The following NMNAT2 variants were observed in gnomAD, a reference collection of about 807,000 sequenced individuals.
NMNAT2 encodes nicotinamide nucleotide adenylyltransferase 2, also known as nicotinamide/nicotinic acid mononucleotide adenylyltransferase 2.
Under a neutral mutation model 41.6 loss-of-function variants are expected in NMNAT2, and 11 were observed. That is an observed-to-expected ratio of 0.26 (90% CI 0.17 to 0.44). The LOEUF is 0.44. Among genes scored for constraint, NMNAT2 ranks in the 20% least tolerant of loss-of-function variants. The pLI is 1.00. For synonymous variants in NMNAT2, 148 were observed against 151.2 expected (o/e 0.98, Z 0.16); for missense variants, 288 against 407.7 (o/e 0.71, Z 2.53).
Position 183,292,878 on chromosome 1 carries a change from C to T in NMNAT2, c.175-21G>A, listed in dbSNP as rs755893344. The stretch of plus-strand genomic sequence containing the variant: ...AGGCCCTGGGAAGCAACAGAGCAAT[C>T]ATTGGGAGACTCCCTCCGTTCCCCA... On this transcript the variant is annotated intron_variant, in intron 2 of 10. Coordinates refer to ENST00000287713, the MANE Select transcript of NMNAT2 (RefSeq NM_015039.4). 6 of 1,612,414 alleles carry T rather than the reference C, an allele frequency of 3.7e-6. No individual in the cohort carries two copies. The Admixed American group carries it at 5.0e-5, about 13-fold the overall frequency.
intron 1 of NMNAT2, among the ~76,000 whole-genome samples, chr1:183,304,130 G>A (rs1341674209): frequency 4.6e-5 from 7 of 152,044 alleles, no homozygotes. Context: ...TATGTGACTT[G>A]TGTCTTGTGT....
At chr1:183,258,974 G>A (rs976330766) in intron 10 of NMNAT2, among the ~76,000 whole-genome samples, 4 of 152,132 alleles carry the variant, frequency 2.6e-5, no homozygotes, top group Non-Finnish European at 5.9e-5. Flanking sequence ...CCGCACAGCC[G>A]GCTCTGCGTG....
intron 1 of NMNAT2, among the ~76,000 whole-genome samples, chr1:183,338,605 C>T (rs1013943141): frequency 3.9e-5 from 6 of 152,106 alleles, no homozygotes; most frequent in South Asian, 2.1e-4. Flanking sequence ...TACATTAATG[C>T]GTATTATTAC....
intron 1 of NMNAT2, among the ~76,000 whole-genome samples, chr1:183,366,319 A>T (rs911243114): frequency 6.6e-6 from 1 of 152,238 alleles, no homozygotes; most frequent in Non-Finnish European, 1.5e-5. Flanking sequence ...GGATAATAAT[A>T]GTATCTACTT....
intron 1 of NMNAT2, among the ~76,000 whole-genome samples, chr1:183,415,945 G>GAT (rs1413261402): frequency 4.6e-5 from 7 of 152,202 alleles, no homozygotes; most frequent in African/African-American, 1.7e-4. Context: ...ATTACTCTCT[G>GAT]AATTATACTT....
chr1:183,290,536 G>T, intron 3 of NMNAT2: 1 of 254,514 alleles, frequency 3.9e-6, no homozygotes, highest in Non-Finnish European at 7.5e-6. Flanking sequence ...CTGTAAAATG[G>T]GAATAACAAT....
chr1:183,273,953 C>A (rs1050669271), intron 8 of NMNAT2, among the ~76,000 whole-genome samples: 3 of 150,094 alleles, frequency 2.0e-5, no homozygotes, highest in Non-Finnish European at 4.4e-5. Flanking sequence ...AGTCTTGTCA[C>A]TCAGGCTAGA....
rs574318623 is a variant in NMNAT2, at chr1:183,284,903, G to A, written c.449-113C>T. The A allele has an allele frequency of 4.3e-5, 35 of 808,910 alleles. No homozygotes were observed. In the East Asian group the frequency reaches 4.8e-4, roughly 11 times the overall value. The allele number at this position is 808,910 out of a possible 1,614,324, so 50.1% of individuals were successfully genotyped here. Reference sequence around the variant, plus strand: ...GTAAACATCAGGGTGCATGGACGGGGCAGGAGTGGGGAGCAGGAGGTAGCA... The same window carrying A: ...GTAAACATCAGGGTGCATGGACGGGACAGGAGTGGGGAGCAGGAGGTAGCA... On this transcript the variant is annotated intron_variant, in intron 5 of 10. Coordinates refer to ENST00000287713, the MANE Select transcript of NMNAT2 (RefSeq NM_015039.4).
At chr1:183,286,592 G>A (rs1661403815) in intron 5 of NMNAT2, 70 bp downstream of exon 5, 1 of 1,380,848 alleles carries the variant, frequency 7.2e-7, no homozygotes, top group African/African-American at 1.4e-5. Flanking sequence ...GTGGATCCCA[G>A]TAGTCATTAA....
intron 1 of NMNAT2, among the ~76,000 whole-genome samples, chr1:183,321,624 C>T (rs751060527): frequency 2.6e-4 from 39 of 151,986 alleles, no homozygotes; most frequent in Non-Finnish European, 5.0e-4. Context: ...TACCTGTAAT[C>T]CCAGCTGCTC....
At chr1:183,273,370 A>G (rs149374998) in intron 8 of NMNAT2, among the ~76,000 whole-genome samples, 74 of 152,362 alleles carry the variant, frequency 4.9e-4, no homozygotes, top group African/African-American at 1.8e-3. Context: ...TGTGGTCAAC[A>G]AGTATCACTC....
At chr1:183,300,419 A>G (rs1460287753) in intron 1 of NMNAT2, among the ~76,000 whole-genome samples, 5 of 149,402 alleles carry the variant, frequency 3.3e-5, no homozygotes, top group Middle Eastern at 3.4e-3. Flanking sequence ...AAAAAAAAGA[A>G]AAAAAAAAAA....
At chr1:183,334,290 C>T (rs1036355073) in intron 1 of NMNAT2, among the ~76,000 whole-genome samples, 11 of 152,126 alleles carry the variant, frequency 7.2e-5, no homozygotes, top group Admixed American at 4.6e-4. Context: ...TGGTCTCAGA[C>T]TCCTGACCTC....
At chr1:183,406,120 C>T (rs181888825) in intron 1 of NMNAT2, among the ~76,000 whole-genome samples, 7 of 152,280 alleles carry the variant, frequency 4.6e-5, no homozygotes, top group Admixed American at 3.3e-4. Flanking sequence ...GGATTACTTG[C>T]TATGCTAAGT....
intron 1 of NMNAT2, among the ~76,000 whole-genome samples, chr1:183,307,947 C>G (rs1485865982): frequency 2.0e-5 from 3 of 152,146 alleles, no homozygotes; most frequent in Non-Finnish European, 4.4e-5. Flanking sequence ...TGCATTTGGG[C>G]AGATTTCGAC....
rs144658486 is a variant in NMNAT2 at position 183,346,710 on chromosome 1, T to G, written c.86-52917A>C. ...GTTTCTGCTGTCCTCAGCCCTTTTT[T>G]GTCTGTGAAACCAATTTCCTCTGCT... On this transcript the variant is annotated intron_variant, in intron 1 of 10. Coordinates refer to ENST00000287713, the MANE Select transcript of NMNAT2 (RefSeq NM_015039.4). Among the ~76,000 whole-genome samples, 877 of 152,332 alleles carry G rather than the reference T, an allele frequency of 5.8e-3. 12 individuals carry two copies. The highest frequency in any genetic ancestry group is 0.019 in the African/African-American group (781 of 41,568).
At position 183,286,753 on chromosome 1, in the gene NMNAT2, T is replaced by C. The variant is rs200771751; in HGVS notation, c.357A>G (p.Thr119=). ...GTCCGATCACAGGTGTCATGGAAGG[T>C]GTGTTGACATTGGAGAGGATGCAGC... is the stretch of plus-strand genomic sequence containing the variant. The part of the protein sequence containing the change: ...VTGCILSNVN[T]PSMTPVIGQP... The change falls in exon 5 of 11, where the codon ACA becomes ACG. Residue 119 remains threonine (T), a synonymous_variant. Transcript: ENST00000287713. 9.9e-6 allele frequency: 16 copies of C among 1,611,178 alleles called. No individual in the cohort carries two copies. The East Asian group carries it at 3.1e-4, about 31-fold the overall frequency.
Position 183,278,559 on chromosome 1 carries a change from C to T in NMNAT2, c.645G>A (p.Glu215=), listed in dbSNP as rs748248385. ...CAATAACCTTGCTACTCACATCTGC[C>T]TCGTTCCAGAGCCCTGGGATGCAGA... ...ESFCIPGLWN[E]ADMEVIVGDF... The change falls in exon 8 of 11, where the codon GAG becomes GAA. Residue 215 remains glutamate, a synonymous_variant. Coordinates refer to ENST00000287713, the MANE Select transcript of NMNAT2 (RefSeq NM_015039.4). 1.9e-6 allele frequency: 3 copies of T among 1,611,434 alleles called. No homozygotes were observed. In the South Asian group the frequency reaches 3.3e-5, roughly 18 times the overall value.
At chr1:183,376,335 A>G (rs992215519) in intron 1 of NMNAT2, among the ~76,000 whole-genome samples, 1 of 152,200 alleles carries the variant, frequency 6.6e-6, no homozygotes, top group Non-Finnish European at 1.5e-5. Flanking sequence ...AAAAATATAG[A>G]AGATAGAGCT....
Sources: allele counts gnomAD v4.1 joint callset (sites outside exome capture counted in the v4.1 genomes callset), GRCh38; gene constraint gnomAD v4.1.1; transcripts MANE v1.5; gene names NCBI Gene and HGNC (gene_info 2026-07-23, HGNC 2026-07-21).